Variants in LRRC4C observed in about 807,000 individuals in gnomAD.
LRRC4C encodes leucine rich repeat containing 4C.
In LRRC4C, 5 loss-of-function variants were observed where a neutral mutation model predicts 33.6. The observed-to-expected ratio is 0.15, with a 90% CI of 0.08 to 0.31. The LOEUF is 0.31. Among genes scored for constraint, LRRC4C ranks in the 10% least tolerant of loss-of-function variants. LRRC4C has a pLI of 1.00. For missense variants in LRRC4C, 560 were observed against 796.7 expected, an observed-to-expected ratio of 0.70 and a Z score of 3.58; for synonymous variants, 329 against 302.0, an observed-to-expected ratio of 1.09 and a Z score of -0.93.
chr11:40,650,975 C>A (rs1272733492), intron 2 of LRRC4C, among the ~76,000 whole-genome samples: 1 of 152,090 alleles, frequency 6.6e-6, no homozygotes, highest in Non-Finnish European at 1.5e-5. Context: ...TTGTAGCCAA[C>A]AAATACTTGT....
intron 2 of LRRC4C, among the ~76,000 whole-genome samples, chr11:40,691,286 C>T (rs755120841): frequency 2.0e-5 from 3 of 151,986 alleles, no homozygotes; most frequent in Non-Finnish European, 4.4e-5. Context: ...CCAGAATGCC[C>T]ACAGGGACTC....
At chr11:40,272,112 T>C in intron 4 of LRRC4C, among the ~76,000 whole-genome samples, 1 of 152,140 alleles carries the variant, frequency 6.6e-6, no homozygotes, top group African/African-American at 2.4e-5. Context: ...TCCAGAAAGC[T>C]GAGAGGTTTT....
chr11:40,374,597 C>T (rs1183700108), intron 3 of LRRC4C, among the ~76,000 whole-genome samples: 8 of 152,122 alleles, frequency 5.3e-5, no homozygotes, highest in Non-Finnish European at 8.8e-5. Flanking sequence ...GATTTTTTCA[C>T]ATTCTCATAG....
At chr11:40,345,329 T>C (rs1030946296) in intron 3 of LRRC4C, among the ~76,000 whole-genome samples, 4 of 152,086 alleles carry the variant, frequency 2.6e-5, no homozygotes, top group African/African-American at 4.8e-5. Context: ...CAAAACAGCA[T>C]GATACTGGTA....
At chr11:40,698,894 C>T (rs181105422) in intron 2 of LRRC4C, among the ~76,000 whole-genome samples, 1 of 152,196 alleles carries the variant, frequency 6.6e-6, no homozygotes, top group East Asian at 1.9e-4. Context: ...ATGGGGGAAA[C>T]CGCCCCTATG....
At chr11:40,227,474 A>G (rs1864892103) in intron 5 of LRRC4C, among the ~76,000 whole-genome samples, 2 of 152,138 alleles carry the variant, frequency 1.3e-5, no homozygotes, top group African/African-American at 4.8e-5. Context: ...CCCCCGAAAT[A>G]TTTATGTATG....
intron 1 of LRRC4C, among the ~76,000 whole-genome samples, chr11:41,400,783 A>C (rs549028355): frequency 3.3e-5 from 5 of 152,030 alleles, no homozygotes; most frequent in Non-Finnish European, 7.4e-5. Flanking sequence ...CTTCTTGTTT[A>C]TAAAACAGAA....
intron 1 of LRRC4C, among the ~76,000 whole-genome samples, chr11:41,449,473 CA>C (rs1398877160): frequency 6.7e-6 from 1 of 149,318 alleles, no homozygotes; most frequent in Non-Finnish European, 1.5e-5. Context: ...ACATAAGGAG[CA>C]AAAAAAAATG....
chr11:40,727,258 A>C (rs1020903226), intron 2 of LRRC4C, among the ~76,000 whole-genome samples: 2 of 152,148 alleles, frequency 1.3e-5, no homozygotes, highest in Admixed American at 1.3e-4. Context: ...CCAGAAATAA[A>C]GCCACATACC....
chr11:41,167,697 G>A (rs1044974586), intron 1 of LRRC4C, among the ~76,000 whole-genome samples: 4 of 152,236 alleles, frequency 2.6e-5, no homozygotes, highest in Non-Finnish European at 5.9e-5. Context: ...ACCAAATTAA[G>A]CAAAGCAGAA....
chr11:40,576,770 T>C (rs1187589683), intron 3 of LRRC4C, among the ~76,000 whole-genome samples: 1 of 152,208 alleles, frequency 6.6e-6, no homozygotes, highest in African/African-American at 2.4e-5. Context: ...CGTTCCTCTG[T>C]TAATCTCTCT....
intron 3 of LRRC4C, among the ~76,000 whole-genome samples, chr11:40,518,322 C>T (rs1317434166): frequency 6.6e-6 from 1 of 152,068 alleles, no homozygotes; most frequent in African/African-American, 2.4e-5. Context: ...AGTGAACAGG[C>T]AACCTACAGA....
chr11:40,201,475 C>T (rs1862747039), intron 5 of LRRC4C, among the ~76,000 whole-genome samples: 2 of 152,146 alleles, frequency 1.3e-5, no homozygotes, highest in African/African-American at 4.8e-5. Context: ...TGAAGCCTTT[C>T]ACTTTTATCT....
chr11:41,350,767 A>G (rs189126455), intron 1 of LRRC4C, among the ~76,000 whole-genome samples: 47 of 152,326 alleles, frequency 3.1e-4, no homozygotes, highest in Admixed American at 1.5e-3. Flanking sequence ...ATCAGAAGAC[A>G]AAATGACCAT....
chr11:40,696,748 G>GTGTATATATATATATATATATATA (rs368234307), intron 2 of LRRC4C, among the ~76,000 whole-genome samples: 22 of 125,884 alleles, frequency 1.7e-4, no homozygotes, highest in African/African-American at 6.9e-4. Context: ...TATACACTGT[G>GTGTATATATATATATATATATATA]TATATATATA....
At chr11:40,120,396 C>T (rs1204086666) in intron 6 of LRRC4C, among the ~76,000 whole-genome samples, 3 of 152,038 alleles carry the variant, frequency 2.0e-5, no homozygotes, top group Non-Finnish European at 4.4e-5. Context: ...TTTATATTTC[C>T]ATTATCAACA....
At chr11:41,046,537 G>C (rs1209594493) in intron 1 of LRRC4C, among the ~76,000 whole-genome samples, 1 of 152,070 alleles carries the variant, frequency 6.6e-6, no homozygotes, top group Non-Finnish European at 1.5e-5. Context: ...TAATGATTGG[G>C]GATAGAACAG....
At chr11:40,633,479 C>T (rs1963696051) in intron 3 of LRRC4C, among the ~76,000 whole-genome samples, 2 of 151,514 alleles carry the variant, frequency 1.3e-5, no homozygotes, top group South Asian at 2.1e-4. Context: ...ACCTCCTCCT[C>T]CTAGGTTCAA....
chr11:41,285,608 G>A (rs1949801217), intron 1 of LRRC4C, among the ~76,000 whole-genome samples: 1 of 152,118 alleles, frequency 6.6e-6, no homozygotes, highest in Admixed American at 6.5e-5. Flanking sequence ...GGAAGCCAGA[G>A]AGAGATGTCC....
Sources: gnomAD v4.1 joint callset for allele counts (sites outside exome capture counted in the v4.1 genomes callset) on GRCh38, gnomAD v4.1.1 for gene constraint, MANE v1.5 for transcripts, NCBI Gene and HGNC (gene_info 2026-07-23, HGNC 2026-07-21) for gene names.